The following ZBTB38 variants were observed in gnomAD, a reference collection of about 807,000 sequenced individuals.
The protein encoded by ZBTB38 is zinc finger and BTB domain containing 38, also known as zinc finger and BTB domain-containing protein 38.
In ZBTB38, 20 loss-of-function variants were observed where a neutral mutation model predicts 76.8. That is an observed-to-expected ratio of 0.26 (90% CI 0.18 to 0.38). The LOEUF (loss-of-function observed/expected upper bound fraction) is 0.38, where lower values mean the gene tolerates loss of function less well. Among genes scored for constraint, ZBTB38 ranks in the 10% least tolerant of loss-of-function variants. The pLI, the probability that ZBTB38 is intolerant of heterozygous loss-of-function variation, is 1.00. For synonymous variants in ZBTB38, 504 were observed against 544.2 expected (o/e 0.93, Z 1.03); for missense variants, 1,082 against 1,482.3 (o/e 0.73, Z 4.43).
At chr3:141,329,000 G>A (rs903532729) in intron 1 of ZBTB38, among the ~76,000 whole-genome samples, 5 of 151,934 alleles carry the variant, frequency 3.3e-5, no homozygotes, top group South Asian at 2.1e-4. Flanking sequence ...CTGTCTCCCC[G>A]TCCCCCAGTC....
chr3:141,418,054 C>T (rs558154869), intron 5 of ZBTB38, among the ~76,000 whole-genome samples: 1 of 152,214 alleles, frequency 6.6e-6, no homozygotes, highest in East Asian at 1.9e-4. Context: ...AATACTCAGG[C>T]CCCACCCAGG....
chr3:141,377,408 C>T (rs548104330), intron 2 of ZBTB38, among the ~76,000 whole-genome samples: 3 of 152,266 alleles, frequency 2.0e-5, no homozygotes, highest in African/African-American at 4.8e-5. Context: ...AAAAGGAGCC[C>T]GACACATCTA....
intron 2 of ZBTB38, among the ~76,000 whole-genome samples, chr3:141,378,470 C>T (rs1945718154): frequency 6.6e-6 from 1 of 152,188 alleles, no homozygotes; most frequent in Non-Finnish European, 1.5e-5. Context: ...AGCCCAAGTA[C>T]TACAGCGATG....
intron 1 of ZBTB38, among the ~76,000 whole-genome samples, chr3:141,334,817 T>G (rs1408851241): frequency 2.0e-5 from 3 of 152,188 alleles, no homozygotes; most frequent in African/African-American, 7.2e-5. Context: ...GAAGTGAGCT[T>G]TAACAAAGAA....
intron 5 of ZBTB38, among the ~76,000 whole-genome samples, chr3:141,423,713 C>T (rs548073374): frequency 6.6e-6 from 1 of 152,288 alleles, no homozygotes; most frequent in South Asian, 2.1e-4. Flanking sequence ...TAAAATAAAG[C>T]ACAATAAACA....
rs1369308374 is a variant in ZBTB38 at position 141,443,443 on chromosome 3, A to T, written c.1055A>T (p.Asp352Val). Residue 352 changes from aspartate to valine, a missense_variant, in exon 6 of 6, where the codon GAC (aspartate) becomes GTC (valine). Transcript: ENST00000321464. This position sits in a 1 kb window ranked among gnomAD's most constrained non-coding sequence, Gnocchi z 5.6. Reference sequence around the variant, plus strand: ...TGTAGCTGCTGTTCCAAAGCCTTTGACAGCAGCACTCTGCTCAGTGCCCAC... The same window carrying T: ...TGTAGCTGCTGTTCCAAAGCCTTTGTCAGCAGCACTCTGCTCAGTGCCCAC... ...YNCSCCSKAFDSSTLLSAHMQ... is the reference protein window; with the variant it reads ...YNCSCCSKAFVSSTLLSAHMQ... 1.9e-6 allele frequency: 3 copies of T among 1,614,096 alleles called. No individual in the cohort carries two copies. Among genetic ancestry groups the T allele is most frequent in the Non-Finnish European group, 2.5e-6 (3 of 1,180,052 alleles).
At chr3:141,398,160 C>T (rs377531918) in intron 4 of ZBTB38, among the ~76,000 whole-genome samples, 12 of 152,302 alleles carry the variant, frequency 7.9e-5, no homozygotes, top group African/African-American at 2.6e-4. Flanking sequence ...AGATGTGGCC[C>T]GAGGGACCAA....
rs1321484590 is a variant in ZBTB38, at chr3:141,444,652, A to G, written c.2264A>G (p.Asp755Gly). ...CCAGCTGTCAGTCAGTCCCTGAAAGATGACAGTAAGCCCGAGCCAGATAAA... is the reference window on the plus strand; with the variant it reads ...CCAGCTGTCAGTCAGTCCCTGAAAGGTGACAGTAAGCCCGAGCCAGATAAA... Reference protein sequence around the residue: ...SDPAVSQSLKDDSKPEPDKVG... With the variant: ...SDPAVSQSLKGDSKPEPDKVG... The change falls in exon 6 of 6, where the codon GAT (aspartate) becomes GGT (glycine). Residue 755 changes from aspartate to glycine, a missense_variant. Physicochemically the swap from Asp to Gly is moderately conservative, Grantham distance 94 (BLOSUM62 -1). Transcript: ENST00000321464. This position sits in a 1 kb window ranked among gnomAD's most constrained non-coding sequence, Gnocchi z 5.1. 4 of 1,614,172 alleles carry G rather than the reference A, an allele frequency of 2.5e-6. No individual in the cohort carries two copies. In the Admixed American group the frequency reaches 6.7e-5, roughly 27 times the overall value.
At chr3:141,341,196 A>G (rs908484404) in intron 1 of ZBTB38, among the ~76,000 whole-genome samples, 4 of 152,240 alleles carry the variant, frequency 2.6e-5, no homozygotes, top group Non-Finnish European at 4.4e-5. Flanking sequence ...GCCCTTCTAC[A>G]TTGCTGGTGG....
intron 5 of ZBTB38, among the ~76,000 whole-genome samples, chr3:141,407,214 CAT>C (rs1459901091): frequency 2.6e-5 from 4 of 152,204 alleles, no homozygotes. Flanking sequence ...TATTGTATGA[CAT>C]GTGCGTGTCT....
intron 5 of ZBTB38, among the ~76,000 whole-genome samples, chr3:141,431,339 A>ATATATATATATATATATAT (rs35348152): frequency 6.8e-5 from 7 of 102,428 alleles, no homozygotes; most frequent in African/African-American, 3.8e-4. Context: ...AAAAAAAAAA[A>ATATATATATATATATATAT]AAATATATAT....
At chr3:141,399,453 C>A (rs1951201037) in intron 4 of ZBTB38, among the ~76,000 whole-genome samples, 1 of 152,190 alleles carries the variant, frequency 6.6e-6, no homozygotes, top group South Asian at 2.1e-4. Context: ...ACACATCACA[C>A]ACAACAAGTA....
Position 141,445,927 on chromosome 3 carries a change from A to G in ZBTB38, c.3539A>G (p.Asn1180Ser), listed in dbSNP as rs761943359. 2.4e-5 allele frequency: 38 copies of G among 1,604,724 alleles called. No homozygotes were observed. The highest frequency in any genetic ancestry group is 1.7e-4 in the Middle Eastern group (1 of 6,060). The change falls in exon 6 of 6, where the codon AAT (asparagine) becomes AGT (serine). Residue 1180 changes from asparagine to serine, a missense_variant. Asn to Ser is a conservative substitution (Grantham distance 46). Coordinates refer to ENST00000321464, the MANE Select transcript of ZBTB38 (RefSeq NM_001376113.1). The surrounding 1 kb of genome is among the most constrained non-coding windows in gnomAD (Gnocchi z 6.5). The part of the protein sequence containing the change: ...ENQHFIGSED[N>S]DQKDNIQTGV... ...CAACATTTCATTGGTTCAGAAGACA[A>G]TGACCAAAAGGATAACATACAAACC...
chr3:141,369,736 A>C (rs1944269136), intron 1 of ZBTB38, 136 bp from the exon 2 acceptor site: 1 of 152,246 alleles, frequency 6.6e-6, no homozygotes. Flanking sequence ...GCAGTAAGGA[A>C]GCTTGTCATT....
At chr3:141,354,284 C>G (rs1245284278) in intron 1 of ZBTB38, among the ~76,000 whole-genome samples, 1 of 152,150 alleles carries the variant, frequency 6.6e-6, no homozygotes, top group Non-Finnish European at 1.5e-5. Context: ...CATGGAATTC[C>G]TGAGCTGAAA....
chr3:141,332,150 A>G (rs750079441), intron 1 of ZBTB38, among the ~76,000 whole-genome samples: 3 of 151,886 alleles, frequency 2.0e-5, no homozygotes, highest in Non-Finnish European at 4.4e-5. Context: ...CTTTTTTCCT[A>G]AGTTGAATCA....
At chr3:141,352,838 G>T (rs1559917565) in intron 1 of ZBTB38, among the ~76,000 whole-genome samples, 1 of 152,088 alleles carries the variant, frequency 6.6e-6, no homozygotes, top group Non-Finnish European at 1.5e-5. Context: ...GAACTCACAG[G>T]CCAGTGAGCC....
intron 1 of ZBTB38, among the ~76,000 whole-genome samples, chr3:141,334,948 C>T (rs1942974687): frequency 6.6e-6 from 1 of 152,212 alleles, no homozygotes; most frequent in Non-Finnish European, 1.5e-5. Flanking sequence ...GGTCCTTAAA[C>T]TTGGCCATCC....
intron 1 of ZBTB38, among the ~76,000 whole-genome samples, chr3:141,361,176 C>G (rs376716470): frequency 5.3e-5 from 8 of 152,114 alleles, no homozygotes; most frequent in African/African-American, 1.9e-4. Flanking sequence ...CCCCTTACCA[C>G]GAAGCATGAA....
Sources: allele counts gnomAD v4.1 joint callset (sites outside exome capture counted in the v4.1 genomes callset), GRCh38; gene constraint gnomAD v4.1.1; non-coding constraint Gnocchi (gnomAD v3.1); transcripts MANE v1.5; gene names NCBI Gene and HGNC (gene_info 2026-07-23, HGNC 2026-07-21).